SPIN1: variants seen among roughly 807,000 people sequenced by gnomAD.
SPIN1 encodes the protein spindlin-1.
A neutral mutation model predicts 26.0 loss-of-function variants in SPIN1; 3 were observed. The observed-to-expected ratio is 0.12, with a 90% confidence interval of 0.05 to 0.30. SPIN1 has a LOEUF of 0.30. SPIN1 is among the 10% of genes least tolerant of loss of function. SPIN1 has a pLI of 1.00. For synonymous variants in SPIN1, 101 were observed against 116.5 expected (o/e 0.87, Z 0.86); for missense variants, 126 against 333.4 (o/e 0.38, Z 4.84).
chr9:88,392,605 CTCCTTCCTTCCTTCTT>C (rs919774444), intron 1 of SPIN1, among the ~76,000 whole-genome samples: 6 of 151,902 alleles, frequency 3.9e-5, no homozygotes, highest in South Asian at 2.1e-4. Context: ...CCTTCCTTCC[CTCCTTCCTTCCTTCTT>C]TCCTTCCTTC....
intron 1 of SPIN1, among the ~76,000 whole-genome samples, chr9:88,402,432 C>A (rs780242178): frequency 5.9e-5 from 9 of 152,088 alleles, no homozygotes; most frequent in Non-Finnish European, 8.8e-5. Flanking sequence ...TATGTTTGTA[C>A]CCATTAACCA....
intron 2 of SPIN1, among the ~76,000 whole-genome samples, chr9:88,433,751 T>C (rs1827934175): frequency 6.6e-6 from 1 of 152,182 alleles, no homozygotes; most frequent in Non-Finnish European, 1.5e-5. Context: ...CAAGCTGAGC[T>C]TATAAAATCT....
intron 1 of SPIN1, among the ~76,000 whole-genome samples, chr9:88,394,704 A>G (rs1184733398): frequency 4.6e-5 from 7 of 151,268 alleles, no homozygotes; most frequent in Admixed American, 4.0e-4. Context: ...TTGGAAGGCC[A>G]TTTGAAAAGA....
chr9:88,444,681 C>T lies in SPIN1; in HGVS notation c.53-4260C>T, dbSNP rs188425815. Among the ~76,000 whole-genome samples, 864 of 141,850 alleles carry T rather than the reference C, an allele frequency of 6.1e-3. 8 individuals are homozygous for T. Among genetic ancestry groups the T allele is most frequent in the African/African-American group, 0.023 (813 of 35,820 alleles). The allele number at this position is 141,850 out of a possible 152,430, so 93.1% of individuals were successfully genotyped here. On this transcript the variant is annotated intron_variant, in intron 2 of 5. Coordinates refer to ENST00000375859, the MANE Select transcript of SPIN1 (RefSeq NM_006717.3). ...AATTCTTTGATGATGAATGGTTTAC[C>T]TTTTCTTTTCTTTTTTTTTTTTTTT...
chr9:88,430,574 A>G (rs565265766), intron 2 of SPIN1, among the ~76,000 whole-genome samples: 1 of 152,356 alleles, frequency 6.6e-6, no homozygotes, highest in South Asian at 2.1e-4. Flanking sequence ...AACATCTGCC[A>G]TGACCCCCAG....
intron 1 of SPIN1, among the ~76,000 whole-genome samples, chr9:88,417,598 C>T (rs768632165): frequency 1.2e-4 from 19 of 152,034 alleles, no homozygotes; most frequent in Non-Finnish European, 2.5e-4. Context: ...TCAGCCTCCC[C>T]TGTAGCTGGG....
chr9:88,457,683 T>C, intron 3 of SPIN1: 1 of 252,792 alleles, frequency 4.0e-6, no homozygotes, highest in Non-Finnish European at 6.2e-6. Flanking sequence ...ACTTTGAACC[T>C]GATTTGTATA....
chr9:88,436,905 C>T (rs1350559609), intron 2 of SPIN1, among the ~76,000 whole-genome samples: 1 of 150,662 alleles, frequency 6.6e-6, no homozygotes, highest in Non-Finnish European at 1.5e-5. Flanking sequence ...GCTGGGACTA[C>T]AGGCGCCCGC....
intron 3 of SPIN1, among the ~76,000 whole-genome samples, chr9:88,449,688 C>T (rs1346203699): frequency 6.6e-6 from 1 of 152,078 alleles, no homozygotes; most frequent in Non-Finnish European, 1.5e-5. Context: ...ATAGATTTCA[C>T]AACTATCTAT....
At chr9:88,388,775 ACTC>A (rs1564018048) in intron 1 of SPIN1, among the ~76,000 whole-genome samples, 1 of 147,204 alleles carries the variant, frequency 6.8e-6, no homozygotes. Context: ...GCCGGCCCCT[ACTC>A]CTCCGTGCCC....
chr9:88,405,810 C>A (rs188661882), intron 1 of SPIN1, among the ~76,000 whole-genome samples: 40 of 151,894 alleles, frequency 2.6e-4, no homozygotes, highest in Admixed American at 2.3e-3. Flanking sequence ...AATCACTAGA[C>A]AATAGGAATT....
At chr9:88,412,532 C>T (rs78541121) in intron 1 of SPIN1, among the ~76,000 whole-genome samples, 8 of 152,162 alleles carry the variant, frequency 5.3e-5, no homozygotes, top group South Asian at 2.1e-4. Flanking sequence ...TGCCATGGAC[C>T]GTTTGCCAGT....
rs567179495 is a variant in SPIN1 at position 88,406,144 on chromosome 9, T to TA, written c.-159+17607dup. Among the ~76,000 whole-genome samples the TA allele has an allele frequency of 5.9e-4, 90 of 152,128 alleles. 1 individual carries two copies. In the Middle Eastern group the frequency reaches 0.014, roughly 23 times the overall value. ...CCTTGGCCTCCCAGAGTGCTGGGGT[T>TA]ACAGATGTGAGCCACTGTGCCTGGC... is the stretch of plus-strand genomic sequence containing the variant. On this transcript the variant is annotated intron_variant, in intron 1 of 5. Coordinates refer to ENST00000375859, the MANE Select transcript of SPIN1 (RefSeq NM_006717.3).
intron 4 of SPIN1, among the ~76,000 whole-genome samples, chr9:88,466,068 ATTTG>A (rs1248062926): frequency 6.6e-6 from 1 of 152,140 alleles, no homozygotes; most frequent in Non-Finnish European, 1.5e-5. Context: ...ATGTTTCTAG[ATTTG>A]TTTTTCATTT....
chr9:88,406,496 G>C (rs1402997077), intron 1 of SPIN1, among the ~76,000 whole-genome samples: 1 of 151,910 alleles, frequency 6.6e-6, no homozygotes, highest in East Asian at 1.9e-4. Context: ...GTTTCACCGT[G>C]TTAGCCAGCA....
chr9:88,393,298 A>T lies in SPIN1; in HGVS notation c.-159+4760A>T, dbSNP rs576126021. On this transcript the variant is annotated intron_variant, in intron 1 of 5. Coordinates refer to ENST00000375859, the MANE Select transcript of SPIN1 (RefSeq NM_006717.3). ...TAACAAAATAGGCAATTTTTTTTTT[A>T]AAACTAGGTTATATTTCTTTGTAGT... Among the ~76,000 whole-genome samples, 190 of 151,876 alleles carry T rather than the reference A, an allele frequency of 1.3e-3. 1 individual carries two copies. Among genetic ancestry groups the T allele is most frequent in the African/African-American group, 4.1e-3 (171 of 41,454 alleles).
rs1828717110 is a variant in SPIN1, at chr9:88,468,619, G to C, written c.589+14G>C. On this transcript the variant is annotated intron_variant, in intron 5 of 5. Transcript: ENST00000375859. ...TGCCTGATTCCAGTAAGTATATATT[G>C]GCAACTTTTATATGTGATAATTAGA... 1.4e-6 allele frequency: 2 copies of C among 1,451,372 alleles called. No individual in the cohort carries two copies. Among genetic ancestry groups the C allele is most frequent in the Non-Finnish European group, 1.8e-6 (2 of 1,094,120 alleles). The allele number at this position is 1,451,372 out of a possible 1,614,324, so 89.9% of individuals were successfully genotyped here. A position where few individuals can be genotyped will look rare whatever the true frequency, so the allele number is the denominator to read the frequency against.
intron 2 of SPIN1, among the ~76,000 whole-genome samples, chr9:88,427,513 T>C (rs905488569): frequency 6.6e-6 from 1 of 152,222 alleles, no homozygotes; most frequent in Admixed American, 6.5e-5. Context: ...CTAGCCGTTA[T>C]TAGCTGTATA....
In SPIN1 at chr9:88,475,670, T is replaced by A. The variant is rs542506071; in HGVS notation, c.*393T>A. ...GCCTTTTTTGAGATGTATGTATCTG[T>A]ATCTACCTATATCTATATGTGTGTA... On this transcript the variant is annotated 3_prime_UTR_variant, in exon 6 of 6. Transcript: ENST00000375859. The A allele has an allele frequency of 3.2e-5, 6 of 188,258 alleles. No individual in the cohort carries two copies. In the South Asian group the frequency reaches 6.5e-4, roughly 20 times the overall value. The allele number at this position is 188,258 out of a possible 1,614,324, so 11.7% of individuals were successfully genotyped here.
Sources: allele counts gnomAD v4.1 joint callset (sites outside exome capture counted in the v4.1 genomes callset), GRCh38; gene constraint gnomAD v4.1.1; transcripts MANE v1.5; gene names NCBI Gene and HGNC (gene_info 2026-07-23, HGNC 2026-07-21).